CTNNA2: variants seen among roughly 807,000 people sequenced by gnomAD.
CTNNA2 encodes catenin alpha-2.
A neutral mutation model predicts 101.0 loss-of-function variants in CTNNA2; 42 were observed. The ratio of observed to expected loss-of-function variants is 0.42; its 90% confidence interval spans 0.32 to 0.54. The LOEUF is 0.54. CTNNA2 is among the 20% of genes least tolerant of loss of function. CTNNA2 has a pLI of 0.14. For missense variants in CTNNA2, 871 were observed against 1,223.1 expected, an observed-to-expected ratio of 0.71 and a Z score of 4.29; for synonymous variants, 450 against 456.4, an observed-to-expected ratio of 0.99 and a Z score of 0.18.
chr2:79,694,292 T>C (rs1169238329), intron 2 of CTNNA2, among the ~76,000 whole-genome samples: 1 of 152,016 alleles, frequency 6.6e-6, no homozygotes, highest in Non-Finnish European at 1.5e-5. Flanking sequence ...GTGTTTAGAC[T>C]ATCCAGTAAA....
chr2:80,255,456 G>T (rs1269261380), intron 7 of CTNNA2, among the ~76,000 whole-genome samples: 2 of 151,964 alleles, frequency 1.3e-5, no homozygotes, highest in African/African-American at 4.8e-5. Flanking sequence ...AGCTGTAATT[G>T]CTGGGCTTCA....
intron 7 of CTNNA2, among the ~76,000 whole-genome samples, chr2:80,311,435 T>TATTACATAATAAACAAG (rs1677578812): frequency 6.6e-6 from 1 of 152,196 alleles, no homozygotes; most frequent in Non-Finnish European, 1.5e-5. Context: ...TATTTCTGTC[T>TATTACATAATAAACAAG]GCCTTTGTTT....
intron 9 of CTNNA2, among the ~76,000 whole-genome samples, chr2:80,463,763 G>A (rs1684641006): frequency 6.6e-6 from 1 of 152,136 alleles, no homozygotes; most frequent in Non-Finnish European, 1.5e-5. Context: ...AAAGATGGAA[G>A]AAAATAAACA....
At chr2:79,459,719 T>A (rs974969644) in intron 4 of CTNNA2, among the ~76,000 whole-genome samples, 2 of 152,182 alleles carry the variant, frequency 1.3e-5, no homozygotes, top group African/African-American at 2.4e-5. Flanking sequence ...ATTTACTGAT[T>A]GTTTAATATC....
intron 7 of CTNNA2, among the ~76,000 whole-genome samples, chr2:80,195,568 G>A (rs552393125): frequency 1.0e-4 from 15 of 150,368 alleles, no homozygotes; most frequent in South Asian, 2.1e-4. Context: ...AGAGATAATC[G>A]GATTTAATCA....
chr2:80,489,434 A>G (rs999364095), intron 9 of CTNNA2, among the ~76,000 whole-genome samples: 15 of 152,232 alleles, frequency 9.9e-5, no homozygotes, highest in Non-Finnish European at 2.1e-4. Context: ...AAGCTACCTT[A>G]TAAATGCACT....
Position 80,310,479 on chromosome 2 carries a change from T to C in CTNNA2, c.1057-82732T>C, listed in dbSNP as rs186995769. On this transcript the variant is annotated intron_variant, in intron 7 of 18. Coordinates refer to ENST00000402739, the MANE Select transcript of CTNNA2 (RefSeq NM_001282597.3). ...TTGCAGTCTTCCAAGGCAGGCAGAG[T>C]TGCATGGTAATTGATCCCATGGGGC... Among the ~76,000 whole-genome samples, 856 of 152,160 alleles carry C rather than the reference T, an allele frequency of 5.6e-3. 11 individuals carry two copies. Among genetic ancestry groups the C allele is most frequent in the African/African-American group, 0.02 (812 of 41,498 alleles).
intron 3 of CTNNA2, among the ~76,000 whole-genome samples, chr2:79,338,883 G>C (rs1025848801): frequency 2.0e-5 from 3 of 152,048 alleles, no homozygotes; most frequent in Non-Finnish European, 4.4e-5. Context: ...CTGTCTGCTT[G>C]CATGAATGGC....
chr2:79,412,049 G>C (rs933957334), intron 4 of CTNNA2, among the ~76,000 whole-genome samples: 18 of 151,926 alleles, frequency 1.2e-4, no homozygotes, highest in Non-Finnish European at 2.4e-4. Context: ...GATGGAGGAA[G>C]ATCTACCAAG....
chr2:79,453,870 A>G (rs1190763021), intron 4 of CTNNA2, among the ~76,000 whole-genome samples: 2 of 152,196 alleles, frequency 1.3e-5, no homozygotes, highest in East Asian at 3.9e-4. Context: ...AGAGGTAAGT[A>G]GAATAGATAT....
chr2:79,825,640 T>C (rs528476452), intron 3 of CTNNA2, among the ~76,000 whole-genome samples: 1 of 152,038 alleles, frequency 6.6e-6, no homozygotes, highest in Non-Finnish European at 1.5e-5. Flanking sequence ...AAAATGGAAA[T>C]ATACAAAATA....
At chr2:80,156,066 G>A (rs567584047) in intron 7 of CTNNA2, among the ~76,000 whole-genome samples, 16 of 152,266 alleles carry the variant, frequency 1.1e-4, no homozygotes, top group African/African-American at 3.6e-4. Flanking sequence ...TTTCTAACAA[G>A]CTCCAAGGTG....
rs542975300 is a variant in CTNNA2 at position 79,530,866 on chromosome 2, A to ATAG, written c.-6+17659_-6+17660insTAG. On this transcript the variant is annotated intron_variant, in intron 1 of 18. Coordinates refer to ENST00000402739, the MANE Select transcript of CTNNA2 (RefSeq NM_001282597.3). ...TTGTTTTAAGTGGAGCAGTTTGAGC[A>ATAG]CAGAACACTCAGGATAGTGAGTTCA... 2.2e-3 allele frequency among the ~76,000 whole-genome samples: 307 copies of ATAG among 140,414 alleles called. 1 individual carries two copies. The highest frequency in any genetic ancestry group is 7.5e-3 in the African/African-American group (268 of 35,810). 92.1% of individuals were successfully genotyped at this position (140,414 alleles called of 152,430 possible).
intron 2 of CTNNA2, among the ~76,000 whole-genome samples, chr2:79,677,254 C>A (rs1464467729): frequency 6.6e-6 from 1 of 152,148 alleles, no homozygotes; most frequent in African/African-American, 2.4e-5. Flanking sequence ...ACTGTTTCCC[C>A]TTTAAAGTCC....
intron 4 of CTNNA2, among the ~76,000 whole-genome samples, chr2:79,485,253 A>G (rs971212339): frequency 1.1e-4 from 16 of 152,190 alleles, no homozygotes; most frequent in African/African-American, 3.6e-4. Flanking sequence ...TTTAATTTAA[A>G]CAAATAATAG....
intron 2 of CTNNA2, among the ~76,000 whole-genome samples, chr2:79,210,644 GT>G (rs1436062234): frequency 7.9e-5 from 12 of 152,230 alleles, no homozygotes; most frequent in African/African-American, 2.9e-4. Flanking sequence ...GTAGGGGAAG[GT>G]CTTCATGTCC....
In CTNNA2 at chr2:79,857,835, C is replaced by T. The variant is rs191883395; in HGVS notation, c.299-178C>T. On this transcript the variant is annotated intron_variant, in intron 3 of 18. Coordinates refer to ENST00000402739, the MANE Select transcript of CTNNA2 (RefSeq NM_001282597.3). ...ACCTTGTTTGGTCCACAGCACTTGT[C>T]CATGTGCACTGATGTACTTGACTTA... Among the ~76,000 whole-genome samples, 138 of 152,302 alleles carry T rather than the reference C, an allele frequency of 9.1e-4. No homozygotes were observed. The Middle Eastern group carries it at 0.024, about 26-fold the overall frequency.
intron 7 of CTNNA2, among the ~76,000 whole-genome samples, chr2:80,083,257 C>G (rs1699253249): frequency 6.6e-6 from 1 of 152,106 alleles, no homozygotes; most frequent in African/African-American, 2.4e-5. Flanking sequence ...AATTTTAAAA[C>G]TAGTTTCCTC....
intron 7 of CTNNA2, among the ~76,000 whole-genome samples, chr2:80,270,585 T>C (rs550250913): frequency 5.9e-5 from 9 of 152,278 alleles, no homozygotes; most frequent in Non-Finnish European, 1.2e-4. Flanking sequence ...TAGAGCCCTT[T>C]ATGGTTTGTG....
Sources: gnomAD v4.1 joint callset for allele counts (sites outside exome capture counted in the v4.1 genomes callset) on GRCh38, gnomAD v4.1.1 for gene constraint, MANE v1.5 for transcripts, NCBI Gene and HGNC (gene_info 2026-07-23, HGNC 2026-07-21) for gene names.